MASP1: variants seen among roughly 807,000 people sequenced by gnomAD.
The protein encoded by MASP1 is mannan-binding lectin serine protease 1.
MASP1 carries 59 observed loss-of-function variants against 77.1 expected under a neutral mutation model. That is an observed-to-expected ratio of 0.77 (90% CI 0.62 to 0.95). The LOEUF (loss-of-function observed/expected upper bound fraction) is 0.95, where lower values mean the gene tolerates loss of function less well. Among genes scored for constraint, MASP1 ranks in the 40% least tolerant of loss-of-function variants. MASP1 has a pLI of 0.00. For missense variants in MASP1, 885 were observed against 912.9 expected (o/e 0.97, Z 0.39); for synonymous variants, 362 against 354.5 (o/e 1.02, Z -0.24).
In MASP1 at chr3:187,248,984, T is replaced by C. The variant is rs1714335213; in HGVS notation, c.1090+1267A>G. Among the ~76,000 whole-genome samples the C allele has an allele frequency of 1.3e-5, 2 of 152,198 alleles. 1 individual carries two copies. The highest frequency in any genetic ancestry group is 2.9e-5 in the Non-Finnish European group (2 of 68,040). On this transcript the variant is annotated intron_variant, in intron 8 of 10. Transcript: ENST00000296280. ...GCCATGTAGGAGAAAGGGAAGAGGA[T>C]AGCGCTCCAGTTTGCATGAAAATTC...
chr3:187,229,019 C>G (rs1712606822), intron 11 of MASP1, among the ~76,000 whole-genome samples: 1 of 152,190 alleles, frequency 6.6e-6, no homozygotes, highest in African/African-American at 2.4e-5. Flanking sequence ...ATGGGCCAAG[C>G]CGGGCCTTCT....
chr3:187,278,343 G>A (rs1560033248), intron 2 of MASP1, among the ~76,000 whole-genome samples: 1 of 152,154 alleles, frequency 6.6e-6, no homozygotes, highest in African/African-American at 2.4e-5. Context: ...CAACCTGTGA[G>A]GAAGACGTTG....
chr3:187,267,371 G>C (rs1716126859), intron 2 of MASP1, among the ~76,000 whole-genome samples: 1 of 152,192 alleles, frequency 6.6e-6, no homozygotes, highest in African/African-American at 2.4e-5. Flanking sequence ...CAGACATTTA[G>C]GGAGTATGCT....
rs72549155 is a variant in MASP1 at position 187,236,187 on chromosome 3, G to T, written c.1684C>A (p.Pro562Thr). ...ATAACGTGGGGTCCCAGGGGCACAG[G>T]CTCCTGCAGCTGCACCAGAGCTATA... ...HDIALVQLQE[P>T]VPLGPHVMPV... The change falls in exon 11 of 11, where the codon CCT becomes ACT. Residue 562 changes from proline to threonine, a missense_variant. By Grantham distance (38) the Pro-to-Thr change is conservative. Coordinates refer to ENST00000296280, the MANE Select transcript of MASP1 (RefSeq NM_139125.4). The T allele has an allele frequency of 2.5e-6, 4 of 1,614,006 alleles. No individual in the cohort carries two copies. In the African/African-American group the frequency reaches 5.3e-5, roughly 22 times the overall value.
chr3:187,275,280 C>T (rs1716873974), intron 2 of MASP1, among the ~76,000 whole-genome samples: 1 of 152,208 alleles, frequency 6.6e-6, no homozygotes, highest in Non-Finnish European at 1.5e-5. Flanking sequence ...GCTGAGTGGA[C>T]AGAAGGGGCC....
exon 14 of MASP1, chr3:187,223,149 C>G (rs140576484): frequency 1.2e-6 from 2 of 1,614,030 alleles, no homozygotes; most frequent in African/African-American, 2.7e-5. Context: ...CTCTGGGAAC[C>G]TTTGCAAGAA....
chr3:187,252,011 T>C (rs893463893), intron 6 of MASP1, among the ~76,000 whole-genome samples: 2 of 152,182 alleles, frequency 1.3e-5, no homozygotes, highest in African/African-American at 2.4e-5. Context: ...TTGGGAGGAA[T>C]GTTAAATGTC....
chr3:187,226,554 A>C (rs1462674092), intron 11 of MASP1: 3 of 1,459,092 alleles, frequency 2.1e-6, no homozygotes. Context: ...ATCGTCCTGC[A>C]CTACTGGGTC....
chr3:187,240,266 C>A (rs1713522881), intron 10 of MASP1, among the ~76,000 whole-genome samples: 2 of 152,002 alleles, frequency 1.3e-5, no homozygotes, highest in African/African-American at 4.8e-5. Flanking sequence ...TGTAGGGTTA[C>A]TGAAATGTAC....
exon 16 of MASP1, chr3:187,219,979 G>T (rs1486807013): frequency 7.4e-7 from 1 of 1,352,632 alleles, no homozygotes; most frequent in Non-Finnish European, 1.0e-6. Flanking sequence ...GGGGATGGGA[G>T]GAAGGAAAGG....
chr3:187,240,485 A>AG (rs1713542207), intron 10 of MASP1, among the ~76,000 whole-genome samples: 1 of 152,102 alleles, frequency 6.6e-6, no homozygotes, highest in Admixed American at 6.5e-5. Context: ...TTTTTTTAAA[A>AG]AAAATGTAAA....
rs115434702 is a variant in MASP1, at chr3:187,241,241, A to C, written c.1303+240T>G. Among the ~76,000 whole-genome samples the C allele has an allele frequency of 4.5e-3, 692 of 152,338 alleles. 7 individuals are homozygous for C. Among genetic ancestry groups the C allele is most frequent in the African/African-American group, 0.016 (664 of 41,584 alleles). On this transcript the variant is annotated intron_variant, in intron 10 of 10. Coordinates refer to ENST00000296280, the MANE Select transcript of MASP1 (RefSeq NM_139125.4). The stretch of plus-strand genomic sequence containing the variant: ...GTGTTATATGAAAAATCTTGTGGCA[A>C]GGGCACAGAGACGGGACAGGAGGGC...
downstream of MASP1, among the ~76,000 whole-genome samples, chr3:187,233,045 G>A (rs779062818): frequency 1.6e-4 from 25 of 152,126 alleles, no homozygotes; most frequent in Non-Finnish European, 3.1e-4. Context: ...GATTTAAACT[G>A]CCCCTCCTCC....
In MASP1 at chr3:187,226,620, A is replaced by G. The variant is rs1025364042; in HGVS notation, c.1442-100T>C. 7 of 795,634 alleles carry G rather than the reference A, an allele frequency of 8.8e-6. No homozygotes were observed. The Admixed American group carries it at 1.0e-4, about 11-fold the overall frequency. The allele number at this position is 795,634 out of a possible 1,614,324, so 49.3% of individuals were successfully genotyped here. A position where few individuals can be genotyped will look rare whatever the true frequency, so the allele number is the denominator to read the frequency against. ...TCAGGCTACTCCAGAGGACCCCTCA[A>G]GACCTTGAAAATGGCCATGCTTCTC... is the stretch of plus-strand genomic sequence containing the variant. On this transcript the variant is annotated intron_variant, in intron 11 of 15. Transcript: ENST00000337774.
rs1467711200 is a variant in MASP1 at position 187,262,224 on chromosome 3, T to C, written c.415+319A>G. Among the ~76,000 whole-genome samples, 3 of 152,198 alleles carry C rather than the reference T, an allele frequency of 2.0e-5. No individual in the cohort carries two copies. The East Asian group carries it at 5.8e-4, about 29-fold the overall frequency. On this transcript the variant is annotated intron_variant, in intron 3 of 10. Coordinates refer to ENST00000296280, the MANE Select transcript of MASP1 (RefSeq NM_139125.4). ...CATGAGATATGTATATTCCATTTTA[T>C]GTCAATTTTACACAAAAAGAAAAAA...
chr3:187,263,086 C>G (rs563514137), intron 2 of MASP1: 1 of 301,788 alleles, frequency 3.3e-6, no homozygotes, highest in South Asian at 3.3e-5. Flanking sequence ...AGAATGGAAA[C>G]TGTATACACA....
intron 2 of MASP1, among the ~76,000 whole-genome samples, chr3:187,281,173 C>T (rs1717379195): frequency 6.6e-6 from 1 of 152,218 alleles, no homozygotes; most frequent in Non-Finnish European, 1.5e-5. Flanking sequence ...GCAGATGCTG[C>T]TGTGCAGATG....
intron 10 of MASP1, among the ~76,000 whole-genome samples, chr3:187,241,119 T>C (rs1713598968): frequency 6.6e-6 from 1 of 152,304 alleles, no homozygotes; most frequent in Admixed American, 6.5e-5. Context: ...ATGATGTTGT[T>C]TGTGTTATCA....
chr3:187,262,650 C>T lies in MASP1; in HGVS notation c.308G>A (p.Gly103Asp). Reference sequence around the variant, plus strand: ...GCCAGGGGAGAGGACCACCTCCTGGCCGGGAGTCTGCTCTGTGTCTGTGGT... The same window carrying T: ...GCCAGGGGAGAGGACCACCTCCTGGTCGGGAGTCTGCTCTGTGTCTGTGGT... ...RETTDTEQTP[G>D]QEVVLSPGSF... The change falls in exon 3 of 11, where the codon GGC becomes GAC. Residue 103 changes from glycine to aspartate, a missense_variant. By Grantham distance (94) the Gly-to-Asp change is moderately conservative. Transcript: ENST00000296280. The T allele has an allele frequency of 1.2e-6, 2 of 1,614,140 alleles. No individual in the cohort carries two copies. The highest frequency in any genetic ancestry group is 1.1e-5 in the South Asian group (1 of 91,070).
Sources: allele counts gnomAD v4.1 joint callset (sites outside exome capture counted in the v4.1 genomes callset), GRCh38; gene constraint gnomAD v4.1.1; transcripts MANE v1.5; gene names NCBI Gene and HGNC (gene_info 2026-07-23, HGNC 2026-07-21).